Variants in KPNA3 observed in about 807,000 individuals in gnomAD.
KPNA3 encodes the protein karyopherin subunit alpha 3.
KPNA3 carries 13 observed loss-of-function variants against 73.8 expected under a neutral mutation model. That is an observed-to-expected ratio of 0.18 (90% CI 0.11 to 0.28). The LOEUF is 0.28. Among genes scored for constraint, KPNA3 ranks in the 10% least tolerant of loss-of-function variants. The probability of loss-of-function intolerance (pLI) is 1.00; values close to 1 mark genes in which losing one functional copy is unlikely to be tolerated. For missense variants in KPNA3, 360 were observed against 618.1 expected (o/e 0.58, Z 4.43); for synonymous variants, 186 against 206.9 (o/e 0.90, Z 0.87).
At chr13:49,790,568 A>G (rs891355174) in intron 1 of KPNA3, among the ~76,000 whole-genome samples, 2 of 152,264 alleles carry the variant, frequency 1.3e-5, no homozygotes, top group African/African-American at 4.8e-5. Flanking sequence ...TGTCTGCCAC[A>G]TTAGAACTAC....
Position 49,732,439 on chromosome 13 carries a change from T to C in KPNA3, c.315A>G (p.Pro105=), listed in dbSNP as rs1243661775. The C allele has an allele frequency of 1.3e-6, 2 of 1,597,616 alleles. No homozygotes were observed. Among genetic ancestry groups the C allele is most frequent in the East Asian group, 4.5e-5 (2 of 44,600 alleles). ...ARKLLSSDRN[P]PIDDLIKSGI... is the part of the protein sequence containing the mutation. ...CAGATTTTATTAAGTCATCAATCGG[T>C]GGATTTCTGTCACTGGATAACAGTT... The change falls in exon 6 of 17, where the codon CCA becomes CCG. Residue 105 remains proline, a synonymous_variant. Coordinates refer to ENST00000261667, the MANE Select transcript of KPNA3 (RefSeq NM_002267.4).
intron 1 of KPNA3, among the ~76,000 whole-genome samples, chr13:49,755,065 TA>T (rs954278819): frequency 1.6e-4 from 24 of 145,524 alleles, no homozygotes; most frequent in Admixed American, 4.1e-4. Context: ...AAGACAGCAT[TA>T]AAAAAAAAAG....
chr13:49,704,466 T>C (rs1328885606), intron 15 of KPNA3, among the ~76,000 whole-genome samples: 1 of 88,330 alleles, frequency 1.1e-5, no homozygotes, highest in Non-Finnish European at 2.1e-5. Flanking sequence ...AATAAATAAA[T>C]AAATAAATAA....
intron 1 of KPNA3, among the ~76,000 whole-genome samples, chr13:49,790,096 T>C (rs1213008521): frequency 2.0e-5 from 3 of 152,156 alleles, no homozygotes; most frequent in Non-Finnish European, 2.9e-5. Flanking sequence ...AGATACCCAA[T>C]AGACAATTAG....
chr13:49,705,664 A>T lies in KPNA3; in HGVS notation c.1329T>A (p.Gly443=), dbSNP rs1182331556. Residue 443 remains glycine (G), a synonymous_variant, in exon 15 of 17, where the codon GGT becomes GGA. Coordinates refer to ENST00000261667, the MANE Select transcript of KPNA3 (RefSeq NM_002267.4). ...TTTCAGCTATTGTGCTTGCTTCATC[A>T]CCGGCCATTATCAGAATGTTTTTTA... The part of the protein sequence containing the change: ...DGLKNILIMA[G]DEASTIAEII... 14 of 1,613,928 alleles carry T rather than the reference A, an allele frequency of 8.7e-6. No homozygotes were observed. The Admixed American group carries it at 2.2e-4, about 25-fold the overall frequency.
intron 1 of KPNA3, among the ~76,000 whole-genome samples, chr13:49,772,890 T>C (rs1009075043): frequency 2.6e-5 from 4 of 152,174 alleles, no homozygotes; most frequent in African/African-American, 9.7e-5. Flanking sequence ...ACACATAGAC[T>C]TGTACTGATC....
chr13:49,784,490 G>C (rs1954966180), intron 1 of KPNA3, among the ~76,000 whole-genome samples: 1 of 152,150 alleles, frequency 6.6e-6, no homozygotes, highest in Non-Finnish European at 1.5e-5. Context: ...ATGGTTGGGA[G>C]ACAACAGACT....
chr13:49,780,476 T>C (rs1954932375), intron 1 of KPNA3, among the ~76,000 whole-genome samples: 1 of 152,110 alleles, frequency 6.6e-6, no homozygotes, highest in South Asian at 2.1e-4. Flanking sequence ...TCTGAGACCT[T>C]GAGGGTTTTC....
chr13:49,708,372 A>G (rs896538266), intron 12 of KPNA3, among the ~76,000 whole-genome samples: 76 of 152,176 alleles, frequency 5.0e-4, no homozygotes, highest in Non-Finnish European at 2.4e-4. Flanking sequence ...TTTAACAGAA[A>G]ATAAACGTTG....
At chr13:49,702,965 T>C (rs1264485490) in intron 15 of KPNA3, among the ~76,000 whole-genome samples, 2 of 151,854 alleles carry the variant, frequency 1.3e-5, no homozygotes, top group African/African-American at 4.8e-5. Flanking sequence ...GCCTCCTGGG[T>C]TCATGCCATT....
At chr13:49,790,257 A>G (rs1038757705) in intron 1 of KPNA3, among the ~76,000 whole-genome samples, 1 of 152,212 alleles carries the variant, frequency 6.6e-6, no homozygotes, top group African/African-American at 2.4e-5. Context: ...ACTGGAGCCC[A>G]GGAGTTCAAG....
chr13:49,758,753 TAC>T (rs68003085), intron 1 of KPNA3, among the ~76,000 whole-genome samples: 22 of 151,496 alleles, frequency 1.5e-4, no homozygotes, highest in African/African-American at 5.3e-4. Flanking sequence ...CATATAAATA[TAC>T]ACACACACAT....
intron 1 of KPNA3, among the ~76,000 whole-genome samples, chr13:49,768,541 C>T (rs577725555): frequency 3.5e-5 from 5 of 142,916 alleles, no homozygotes; most frequent in Admixed American, 7.0e-5. Context: ...CTCTTCCTGC[C>T]GGCCTGTCTT....
chr13:49,748,827 T>C (rs1954639759), intron 1 of KPNA3, among the ~76,000 whole-genome samples: 1 of 152,162 alleles, frequency 6.6e-6, no homozygotes, highest in South Asian at 2.1e-4. Context: ...ATTGTGACTT[T>C]AGTACTATTA....
chr13:49,755,752 C>T (rs1318660801), intron 1 of KPNA3, among the ~76,000 whole-genome samples: 2 of 152,136 alleles, frequency 1.3e-5, no homozygotes, highest in African/African-American at 2.4e-5. Flanking sequence ...GATCGTGCCA[C>T]TGCACTCCAG....
intron 1 of KPNA3, among the ~76,000 whole-genome samples, chr13:49,768,656 C>T (rs955248978): frequency 7.7e-6 from 1 of 129,934 alleles, no homozygotes; most frequent in East Asian, 2.6e-4. Context: ...TTTGAGATTT[C>T]TCACTAGGGA....
At chr13:49,776,935 A>C (rs1382178316) in intron 1 of KPNA3, among the ~76,000 whole-genome samples, 2 of 152,206 alleles carry the variant, frequency 1.3e-5, no homozygotes, top group African/African-American at 4.8e-5. Context: ...TGTATAGTCC[A>C]TTGCTCTCTG....
chr13:49,705,603 C>G lies in KPNA3; in HGVS notation c.1372+18G>C. ...GTTCCAGTGCTCAAATACTCTTCTT[C>G]CATCAATCCACTCTTACCTCCACAT... is the stretch of plus-strand genomic sequence containing the variant. On this transcript the variant is annotated intron_variant, in intron 15 of 16. Coordinates refer to ENST00000261667, the MANE Select transcript of KPNA3 (RefSeq NM_002267.4). The G allele has an allele frequency of 6.2e-7, 1 of 1,608,788 alleles. No homozygotes were observed. The highest frequency in any genetic ancestry group is 8.5e-7 in the Non-Finnish European group (1 of 1,177,426).
At chr13:49,761,144 G>T (rs1954755623) in intron 1 of KPNA3, among the ~76,000 whole-genome samples, 1 of 152,114 alleles carries the variant, frequency 6.6e-6, no homozygotes, top group African/African-American at 2.4e-5. Flanking sequence ...GCTATTAACA[G>T]AAAAAAATAT....
Sources: allele counts gnomAD v4.1 joint callset (sites outside exome capture counted in the v4.1 genomes callset), GRCh38; gene constraint gnomAD v4.1.1; transcripts MANE v1.5; gene names NCBI Gene and HGNC (gene_info 2026-07-23, HGNC 2026-07-21).